MAP3K7CL: variants seen among roughly 807,000 people sequenced by gnomAD.
MAP3K7CL encodes MAP3K7 C-terminal-like protein.
In MAP3K7CL, 16 loss-of-function variants were observed where a neutral mutation model predicts 18.6. The observed-to-expected ratio is 0.86, with a 90% CI of 0.58 to 1.31. The LOEUF is 1.31. Among genes scored for constraint, MAP3K7CL ranks in the 50% most tolerant of loss-of-function variants. The pLI, the probability that MAP3K7CL is intolerant of heterozygous loss-of-function variation, is 0.00. For synonymous variants in MAP3K7CL, 65 were observed against 66.8 expected (o/e 0.97, Z 0.13); for missense variants, 163 against 174.4 (o/e 0.93, Z 0.37).
At chr21:29,141,313 G>A (rs556512896) in intron 2 of MAP3K7CL, among the ~76,000 whole-genome samples, 1 of 152,024 alleles carries the variant, frequency 6.6e-6, no homozygotes, top group African/African-American at 2.4e-5. Context: ...AGGAGATGGA[G>A]ACTATCCTGG....
At chr21:29,150,099 G>A (rs573352322) in intron 3 of MAP3K7CL, among the ~76,000 whole-genome samples, 2 of 152,244 alleles carry the variant, frequency 1.3e-5, no homozygotes, top group East Asian at 1.9e-4. Flanking sequence ...TTCCCAACAG[G>A]CCCTGACATA....
At chr21:29,125,962 G>C (rs996182419), upstream of MAP3K7CL, among the ~76,000 whole-genome samples, 1 of 152,260 alleles carries the variant, frequency 6.6e-6, no homozygotes, top group Non-Finnish European at 1.5e-5. Context: ...TCAAACAGAT[G>C]TATCAGTGCT....
intron 2 of MAP3K7CL, among the ~76,000 whole-genome samples, 165 bp from the exon 3 acceptor site, chr21:29,149,024 G>A (rs1205775284): frequency 6.6e-6 from 1 of 152,156 alleles, no homozygotes; most frequent in African/African-American, 2.4e-5. Flanking sequence ...ACGCATCTGT[G>A]TGTACAGAAA....
At chr21:29,111,198 G>A (rs999269868) in intron 4 of MAP3K7CL, among the ~76,000 whole-genome samples, 3 of 151,978 alleles carry the variant, frequency 2.0e-5, no homozygotes, top group African/African-American at 7.3e-5. Flanking sequence ...GGAGGTTGCA[G>A]TGAGCCGAGA....
chr21:29,137,934 G>C (rs1222059124), intron 2 of MAP3K7CL, among the ~76,000 whole-genome samples: 1 of 152,168 alleles, frequency 6.6e-6, no homozygotes, highest in Non-Finnish European at 1.5e-5. Context: ...ATGAGAGAAT[G>C]GAAGAGGCAT....
intron 4 of MAP3K7CL, among the ~76,000 whole-genome samples, chr21:29,168,984 A>G (rs887605111): frequency 1.3e-5 from 2 of 152,182 alleles, no homozygotes; most frequent in Admixed American, 6.5e-5. Context: ...GGGAATCTCC[A>G]CTTCCTTTAG....
intron 2 of MAP3K7CL, 30 bp from the exon 3 acceptor site, chr21:29,149,159 G>GAAGAGC: frequency 6.2e-7 from 1 of 1,600,456 alleles, no homozygotes. Context: ...GAGCTCCATA[G>GAAGAGC]TGAAGAATCA....
chr21:29,111,643 G>A (rs1184037690), intron 4 of MAP3K7CL, among the ~76,000 whole-genome samples: 2 of 152,204 alleles, frequency 1.3e-5, no homozygotes, highest in Non-Finnish European at 2.9e-5. Flanking sequence ...CTGGTGTAGG[G>A]AGACAGCCTT....
rs1181410630 is a variant in MAP3K7CL, at chr21:29,175,788, T to A, written c.*896T>A. The A allele has an allele frequency of 1.3e-5, 2 of 152,276 alleles. No individual in the cohort carries two copies. The highest frequency in any genetic ancestry group is 2.1e-4 in the South Asian group (1 of 4,838). The allele number at this position is 152,276 out of a possible 1,614,324, so 9.4% of individuals were successfully genotyped here. ...AATTCAGAATTGAAACAATTTCTCCTTGTTCTACCTATCACCACATTTTCT... is the reference window on the plus strand; with the variant it reads ...AATTCAGAATTGAAACAATTTCTCCATGTTCTACCTATCACCACATTTTCT... On this transcript the variant is annotated 3_prime_UTR_variant, in exon 5 of 5. Transcript: ENST00000399928.
At chr21:29,118,525 C>T (rs1321771838) in intron 4 of MAP3K7CL, among the ~76,000 whole-genome samples, 1 of 152,090 alleles carries the variant, frequency 6.6e-6, no homozygotes, top group East Asian at 1.9e-4. Flanking sequence ...TAAATGGAAG[C>T]AGCACAATGT....
intron 2 of MAP3K7CL, among the ~76,000 whole-genome samples, chr21:29,147,391 G>C (rs2087155356): frequency 6.6e-6 from 1 of 151,728 alleles, no homozygotes; most frequent in Admixed American, 6.6e-5. Context: ...TATATGTACT[G>C]TACTGCATAT....
intron 4 of MAP3K7CL, among the ~76,000 whole-genome samples, chr21:29,168,434 C>T (rs1248664241): frequency 2.0e-5 from 3 of 152,170 alleles, no homozygotes; most frequent in Non-Finnish European, 4.4e-5. Context: ...AAAGGCCTGC[C>T]TCAGTTCTTT....
intron 4 of MAP3K7CL, among the ~76,000 whole-genome samples, chr21:29,118,852 G>T (rs2832192): frequency 0.43 from 66,039 of 152,140 alleles, 15,006 homozygotes; most frequent in Middle Eastern, 0.54. Context: ...TCTTTAAGTT[G>T]TGCATGCGCA....
upstream of MAP3K7CL, chr21:29,085,772 G>T: frequency 3.0e-6 from 4 of 1,318,708 alleles, no homozygotes; most frequent in South Asian, 4.8e-5. Context: ...GGAATGTTGC[G>T]ATGGCTTTGA....
chr21:29,150,133 C>T (rs752181864), intron 3 of MAP3K7CL, among the ~76,000 whole-genome samples: 12 of 152,232 alleles, frequency 7.9e-5, no homozygotes, highest in Admixed American at 2.6e-4. Context: ...CACACAGCAG[C>T]TTTTCCCATT....
Position 29,078,322 on chromosome 21 carries a change from A to T in MAP3K7CL, c.-49+609A>T, listed in dbSNP as rs557825003. On this transcript the variant is annotated intron_variant, in intron 1 of 7. Coordinates refer to the MAP3K7CL transcript ENST00000341618. ...TTTGTTGTTGTTAAAATCTTTTAAT[A>T]TTCCTTTATAAATTTAAATTTTTTT... 2.0e-5 allele frequency among the ~76,000 whole-genome samples: 3 copies of T among 152,280 alleles called. No homozygotes were observed. In the South Asian group the frequency reaches 6.2e-4, roughly 32 times the overall value.
chr21:29,153,348 G>A (rs945873108), intron 3 of MAP3K7CL, among the ~76,000 whole-genome samples: 6 of 152,196 alleles, frequency 3.9e-5, no homozygotes, highest in African/African-American at 1.2e-4. Context: ...ATGCCCATCA[G>A]GGACAGTATT....
chr21:29,129,234 T>G (rs1030953475), upstream of MAP3K7CL, among the ~76,000 whole-genome samples: 1 of 152,244 alleles, frequency 6.6e-6, no homozygotes, highest in Admixed American at 6.5e-5. Context: ...GTGTTGTACA[T>G]TCTATGGGTT....
At chr21:29,125,683 G>GT (rs1282892124), upstream of MAP3K7CL, among the ~76,000 whole-genome samples, 1 of 152,180 alleles carries the variant, frequency 6.6e-6, no homozygotes, top group African/African-American at 2.4e-5. Context: ...TTGCTTTGTG[G>GT]TTTTTCATTG....
Sources: allele counts gnomAD v4.1 joint callset (sites outside exome capture counted in the v4.1 genomes callset), GRCh38; gene constraint gnomAD v4.1.1; transcripts MANE v1.5; gene names NCBI Gene and HGNC (gene_info 2026-07-23, HGNC 2026-07-21).